Variants in ADGRL2 observed in about 807,000 individuals in gnomAD.
The protein encoded by ADGRL2 is adhesion G protein-coupled receptor L2.
ADGRL2 carries 44 observed loss-of-function variants against 157.4 expected under a neutral mutation model. That is an observed-to-expected ratio of 0.28 (90% CI 0.22 to 0.36). ADGRL2 has a LOEUF of 0.36. Among genes scored for constraint, ADGRL2 ranks in the 10% least tolerant of loss-of-function variants. The pLI, the probability that ADGRL2 is intolerant of heterozygous loss-of-function variation, is 1.00. For missense variants in ADGRL2, 1,510 were observed against 1,768.9 expected, an observed-to-expected ratio of 0.85 and a Z score of 2.63; for synonymous variants, 585 against 624.7, an observed-to-expected ratio of 0.94 and a Z score of 0.95.
At chr1:81,471,338 T>C (rs1038024092) in intron 2 of ADGRL2, among the ~76,000 whole-genome samples, 2 of 152,200 alleles carry the variant, frequency 1.3e-5, no homozygotes, top group African/African-American at 2.4e-5. Context: ...GTATTATGTA[T>C]ACTTTGCCCA....
intron 3 of ADGRL2, among the ~76,000 whole-genome samples, chr1:81,624,323 G>C (rs1214683287): frequency 6.6e-6 from 1 of 152,206 alleles, no homozygotes; most frequent in Non-Finnish European, 1.5e-5. Flanking sequence ...GCTCACGCCT[G>C]TAATCCCAGC....
chr1:81,872,405 A>G (rs1422469119), intron 2 of ADGRL2, among the ~76,000 whole-genome samples: 3 of 151,814 alleles, frequency 2.0e-5, no homozygotes, highest in African/African-American at 7.2e-5. Flanking sequence ...GATTGAAGAC[A>G]CTGTTTTTAT....
At chr1:81,403,825 TCA>T (rs978916613) in intron 1 of ADGRL2, among the ~76,000 whole-genome samples, 9 of 137,652 alleles carry the variant, frequency 6.5e-5, no homozygotes, top group African/African-American at 2.5e-4. Context: ...TGAGACAGAA[TCA>T]CACTCTATTG....
At position 81,841,622 on chromosome 1, in the gene ADGRL2, C is replaced by T. The variant is rs555806131; in HGVS notation, c.73+4565C>T. 3.9e-5 allele frequency among the ~76,000 whole-genome samples: 6 copies of T among 152,198 alleles called. No homozygotes were observed. The East Asian group carries it at 7.7e-4, about 20-fold the overall frequency. On this transcript the variant is annotated intron_variant, in intron 2 of 23. Coordinates refer to ENST00000686636, the MANE Select transcript of ADGRL2 (RefSeq NM_001366006.2). ...TTTCTTTCATTCTTTGATTTACACA[C>T]GCATATAACAAAATCTGTACATATA...
intron 3 of ADGRL2, among the ~76,000 whole-genome samples, chr1:81,933,858 C>A (rs1197183594): frequency 6.6e-6 from 1 of 151,988 alleles, no homozygotes; most frequent in Non-Finnish European, 1.5e-5. Flanking sequence ...ATGCAAAGTT[C>A]TAATTTTCTT....
At chr1:81,431,983 C>T (rs1442601229) in intron 1 of ADGRL2, among the ~76,000 whole-genome samples, 1 of 152,136 alleles carries the variant, frequency 6.6e-6, no homozygotes, top group African/African-American at 2.4e-5. Flanking sequence ...TATCCCTCAG[C>T]CCCTGTATTT....
At chr1:81,477,235 A>G (rs2078290896) in intron 2 of ADGRL2, among the ~76,000 whole-genome samples, 1 of 152,224 alleles carries the variant, frequency 6.6e-6, no homozygotes, top group African/African-American at 2.4e-5. Flanking sequence ...AAATGGAGAC[A>G]ATAAGAGGTT....
intron 3 of ADGRL2, among the ~76,000 whole-genome samples, chr1:81,631,006 A>T (rs1040125834): frequency 2.6e-5 from 4 of 152,196 alleles, no homozygotes; most frequent in Non-Finnish European, 4.4e-5. Context: ...GTGGAAATAC[A>T]TTAATACTAA....
At chr1:81,845,562 A>T (rs2092754888) in intron 2 of ADGRL2, among the ~76,000 whole-genome samples, 1 of 151,924 alleles carries the variant, frequency 6.6e-6, no homozygotes, top group African/African-American at 2.4e-5. Flanking sequence ...AATTTGGGGG[A>T]TACTTCTGGG....
chr1:81,960,015 G>A (rs1654823682), intron 11 of ADGRL2, among the ~76,000 whole-genome samples: 1 of 152,052 alleles, frequency 6.6e-6, no homozygotes. Flanking sequence ...GGTCAGGCTG[G>A]TCTCACACTC....
Position 81,425,371 on chromosome 1 carries a change from C to T in ADGRL2, c.-301-19665C>T, listed in dbSNP as rs1266719124. On this transcript the variant is annotated intron_variant, in intron 1 of 24. Transcript: ENST00000370721. ...GTCTTGTAGCTAACTGTTACTACTA[C>T]TCTGAAGTGTGGCAGCAAGAGCAGA... is the stretch of plus-strand genomic sequence containing the variant. 2.0e-5 allele frequency among the ~76,000 whole-genome samples: 3 copies of T among 151,818 alleles called. No individual in the cohort carries two copies. The East Asian group carries it at 5.8e-4, about 29-fold the overall frequency.
chr1:81,635,321 C>T (rs1037528986), intron 3 of ADGRL2, among the ~76,000 whole-genome samples: 2 of 152,150 alleles, frequency 1.3e-5, no homozygotes, highest in Non-Finnish European at 2.9e-5. Context: ...ATAAGAAATT[C>T]GAAGGAAGAC....
intron 3 of ADGRL2, among the ~76,000 whole-genome samples, chr1:81,639,525 G>C (rs1226694292): frequency 9.1e-6 from 1 of 109,640 alleles, no homozygotes; most frequent in Non-Finnish European, 1.7e-5. Context: ...CCAATGTAGT[G>C]AGACTCCATC....
At chr1:81,625,559 A>C (rs2081892894) in intron 3 of ADGRL2, 2 of 152,112 alleles carry the variant, frequency 1.3e-5, no homozygotes, top group African/African-American at 4.8e-5. Flanking sequence ...GTGGTGTTTT[A>C]CTTACGGTAA....
chr1:81,534,661 A>G (rs577623715), intron 2 of ADGRL2, among the ~76,000 whole-genome samples: 1 of 152,260 alleles, frequency 6.6e-6, no homozygotes, highest in East Asian at 1.9e-4. Context: ...TTTAATTAGT[A>G]TTTGAGACAG....
intron 2 of ADGRL2, among the ~76,000 whole-genome samples, chr1:81,527,008 A>G (rs1310239750): frequency 6.6e-6 from 1 of 152,246 alleles, no homozygotes; most frequent in Admixed American, 6.5e-5. Context: ...TTTGGGTGGT[A>G]TTAAAATCAA....
intron 2 of ADGRL2, among the ~76,000 whole-genome samples, chr1:81,504,891 C>T (rs544296627): frequency 6.6e-6 from 1 of 152,318 alleles, no homozygotes; most frequent in East Asian, 1.9e-4. Context: ...TCCACAGCTC[C>T]TCCTGGACCC....
Position 81,942,952 on chromosome 1 carries a change from T to G in ADGRL2, c.410-17T>G, listed in dbSNP as rs1410550709. 6.3e-7 allele frequency: 1 copy of G among 1,584,472 alleles called. No homozygotes were observed. Among genetic ancestry groups the G allele is most frequent in the Non-Finnish European group, 8.6e-7 (1 of 1,160,386 alleles). ...TTTTAACTTGGCTTAATTTTTGTCT[T>G]TCTCTGTAACTGTTAGTTTTTGTGT... is the stretch of plus-strand genomic sequence containing the variant. On this transcript the variant is annotated splice_polypyrimidine_tract_variant and intron_variant, in intron 5 of 23. Transcript: ENST00000686636.
At chr1:81,949,978 T>C (rs1651217187) in intron 6 of ADGRL2, among the ~76,000 whole-genome samples, 1 of 152,170 alleles carries the variant, frequency 6.6e-6, no homozygotes, top group Non-Finnish European at 1.5e-5. Context: ...CTACCTACTT[T>C]CTCTTAGCCA....
Sources: allele counts gnomAD v4.1 joint callset (sites outside exome capture counted in the v4.1 genomes callset), GRCh38; gene constraint gnomAD v4.1.1; transcripts MANE v1.5; gene names NCBI Gene and HGNC (gene_info 2026-07-23, HGNC 2026-07-21).